The following NWD2 variants were observed in gnomAD, a reference collection of about 807,000 sequenced individuals.
The protein encoded by NWD2 is NACHT and WD repeat domain-containing protein 2.
NWD2 carries 37 observed loss-of-function variants against 132.7 expected under a neutral mutation model. The observed-to-expected ratio is 0.28, with a 90% confidence interval of 0.21 to 0.37. NWD2 has a LOEUF of 0.37. Ranked by LOEUF, NWD2 falls within the 10% of genes least tolerant of loss-of-function variation. The pLI is 1.00. For missense variants in NWD2, 1,592 were observed against 2,122.4 expected (o/e 0.75, Z 4.91); for synonymous variants, 705 against 803.0 (o/e 0.88, Z 2.06).
chr4:37,389,468 G>C (rs559909489), intron 3 of NWD2, among the ~76,000 whole-genome samples: 3 of 152,302 alleles, frequency 2.0e-5, no homozygotes, highest in Admixed American at 2.0e-4. Flanking sequence ...CTTAAATTCT[G>C]CCTCTGCCTC....
At chr4:37,254,784 C>A (rs1717478485) in intron 1 of NWD2, among the ~76,000 whole-genome samples, 1 of 152,134 alleles carries the variant, frequency 6.6e-6, no homozygotes, top group South Asian at 2.1e-4. Context: ...AATAATACCC[C>A]CCTTCTAATG....
intron 3 of NWD2, among the ~76,000 whole-genome samples, chr4:37,402,416 A>T (rs924299294): frequency 1.3e-5 from 2 of 152,188 alleles, no homozygotes; most frequent in African/African-American, 4.8e-5. Flanking sequence ...TCCCAGCAAC[A>T]AACATGGTGA....
intron 3 of NWD2, among the ~76,000 whole-genome samples, chr4:37,405,420 GTAATAGAATAGAATA>G (rs1196114760): frequency 2.0e-3 from 282 of 138,844 alleles, no homozygotes; most frequent in Middle Eastern, 3.5e-3. Context: ...TTAGTTGAAT[GTAATAGAATAGAATA>G]GAATAGAATA....
At chr4:37,318,930 T>G (rs1719013742) in intron 1 of NWD2, among the ~76,000 whole-genome samples, 1 of 152,176 alleles carries the variant, frequency 6.6e-6, no homozygotes, top group South Asian at 2.1e-4. Context: ...AATAGTGCAG[T>G]GATGAAAATG....
chr4:37,370,731 A>T (rs1479760), intron 3 of NWD2, among the ~76,000 whole-genome samples: 70,646 of 151,756 alleles, frequency 0.47, 17,267 homozygotes, highest in Non-Finnish European at 0.55. Context: ...AAGAATCTAG[A>T]TTAGTTGTCA....
chr4:37,348,269 T>G (rs926259173), intron 2 of NWD2, among the ~76,000 whole-genome samples: 2 of 152,200 alleles, frequency 1.3e-5, no homozygotes. Flanking sequence ...ACAAGTTCGT[T>G]AACATTCAAC....
intron 5 of NWD2, among the ~76,000 whole-genome samples, chr4:37,438,488 A>G (rs545201804): frequency 1.3e-4 from 20 of 152,270 alleles, no homozygotes; most frequent in Non-Finnish European, 2.2e-4. Context: ...AGGAAAACTG[A>G]GCAGCAATTA....
At chr4:37,414,667 TGG>T (rs1292951356) in intron 3 of NWD2, among the ~76,000 whole-genome samples, 1 of 152,182 alleles carries the variant, frequency 6.6e-6, no homozygotes, top group African/African-American at 2.4e-5. Context: ...CTGCTGGAAG[TGG>T]GTACAGTGAC....
At chr4:37,345,796 T>C (rs1719621983) in intron 2 of NWD2, among the ~76,000 whole-genome samples, 1 of 152,166 alleles carries the variant, frequency 6.6e-6, no homozygotes, top group Non-Finnish European at 1.5e-5. Flanking sequence ...AAAGATTTAC[T>C]CCTGGCCTGG....
intron 6 of NWD2, among the ~76,000 whole-genome samples, chr4:37,441,802 G>C (rs1712492783): frequency 6.6e-6 from 1 of 152,150 alleles, no homozygotes; most frequent in Non-Finnish European, 1.5e-5. Context: ...GTACCGTCCT[G>C]TGACCTCATG....
At chr4:37,412,289 T>A (rs144178006) in intron 3 of NWD2, among the ~76,000 whole-genome samples, 36,484 of 152,146 alleles carry the variant, frequency 0.24, 5,170 homozygotes, top group Middle Eastern at 0.32. Context: ...CAGCAAAGTC[T>A]CAGGATATAA....
rs549458298 is a variant in NWD2 at position 37,283,844 on chromosome 4, G to C, written c.151+38626G>C. Among the ~76,000 whole-genome samples, 6 of 152,268 alleles carry C rather than the reference G, an allele frequency of 3.9e-5. No homozygotes were observed. The East Asian group carries it at 1.2e-3, about 29-fold the overall frequency. ...TAGTATGTGCTCTTGAGTGAGGTCA[G>C]GAAATCTGGATTCTGAGGAATGCTT... On this transcript the variant is annotated intron_variant, in intron 1 of 6. Coordinates refer to ENST00000309447, the MANE Select transcript of NWD2 (RefSeq NM_001144990.2).
chr4:37,393,197 G>GGC (rs943691500), intron 3 of NWD2, among the ~76,000 whole-genome samples: 4 of 270 alleles, frequency 0.015, no homozygotes, highest in East Asian at 0.5. Context: ...TCCGGGGGTT[G>GGC]GGGGGAGACT....
chr4:37,276,782 C>T (rs759077035), intron 1 of NWD2, among the ~76,000 whole-genome samples: 99 of 152,172 alleles, frequency 6.5e-4, no homozygotes, highest in Non-Finnish European at 1.2e-3. Flanking sequence ...GTGGCACATA[C>T]ACCATGGAAT....
chr4:37,342,073 T>G (rs1447716818), intron 2 of NWD2, among the ~76,000 whole-genome samples: 2 of 152,150 alleles, frequency 1.3e-5, no homozygotes, highest in African/African-American at 4.8e-5. Context: ...ACGGTTTGGA[T>G]GTTTATCCCC....
chr4:37,446,393 A>G lies in NWD2; in HGVS notation c.4405A>G (p.Ile1469Val). Residue 1469 changes from isoleucine to valine, a missense_variant, in exon 7 of 7, where the codon ATC becomes GTC. Physicochemically the swap from Ile to Val is conservative, Grantham distance 29 (BLOSUM62 3). Transcript: ENST00000309447. This position sits in a 1 kb window ranked among gnomAD's most constrained non-coding sequence, Gnocchi z 6.7. ...VLAVSLWTGS[I>V]TKKFCCEDGT... is the part of the protein sequence containing the mutation. ...GGCAGTCAGTCTTTGGACAGGAAGT[A>G]TCACCAAGAAATTTTGCTGTGAAGA... is the stretch of plus-strand genomic sequence containing the variant. 3 of 1,551,830 alleles carry G rather than the reference A, an allele frequency of 1.9e-6. No individual in the cohort carries two copies. Among genetic ancestry groups the G allele is most frequent in the Non-Finnish European group, 2.6e-6 (3 of 1,147,028 alleles).
At chr4:37,325,263 AT>A (rs561019657) in intron 1 of NWD2, among the ~76,000 whole-genome samples, 4 of 152,088 alleles carry the variant, frequency 2.6e-5, no homozygotes, top group African/African-American at 7.2e-5. Context: ...ATAATAAAAT[AT>A]TTTTTTATTT....
At chr4:37,321,131 C>G (rs939721813) in intron 1 of NWD2, among the ~76,000 whole-genome samples, 12 of 151,964 alleles carry the variant, frequency 7.9e-5, no homozygotes, top group African/African-American at 2.4e-4. Context: ...CACTTTCAGC[C>G]TGGGAAACAG....
At chr4:37,380,242 A>G (rs143693222) in intron 3 of NWD2, among the ~76,000 whole-genome samples, 1 of 152,332 alleles carries the variant, frequency 6.6e-6, no homozygotes, top group African/African-American at 2.4e-5. Flanking sequence ...TTTGACGATA[A>G]AGTCCGGACT....
Sources: allele counts gnomAD v4.1 joint callset (sites outside exome capture counted in the v4.1 genomes callset), GRCh38; gene constraint gnomAD v4.1.1; non-coding constraint Gnocchi (gnomAD v3.1); transcripts MANE v1.5; gene names NCBI Gene and HGNC (gene_info 2026-07-23, HGNC 2026-07-21).